The following CACNA1C variants were observed in gnomAD, a reference collection of about 807,000 sequenced individuals.
The protein encoded by CACNA1C is voltage-dependent L-type calcium channel subunit alpha-1C.
Under a neutral mutation model 229.0 loss-of-function variants are expected in CACNA1C, and 30 were observed. The observed-to-expected ratio is 0.13, with a 90% CI of 0.10 to 0.18. The LOEUF is 0.18. CACNA1C is among the 10% of genes least tolerant of loss of function. The pLI is 1.00. For missense variants in CACNA1C, 1,658 were observed against 2,845.0 expected, an observed-to-expected ratio of 0.58 and a Z score of 9.49; for synonymous variants, 1,114 against 1,132.5, an observed-to-expected ratio of 0.98 and a Z score of 0.33.
At chr12:2,336,620 T>C (rs2096704316) in intron 3 of CACNA1C, among the ~76,000 whole-genome samples, 1 of 152,216 alleles carries the variant, frequency 6.6e-6, no homozygotes, top group African/African-American at 2.4e-5. Flanking sequence ...ACCGTTTAAA[T>C]AGGAACCTAT....
intron 3 of CACNA1C, among the ~76,000 whole-genome samples, chr12:2,371,976 A>G (rs563783464): frequency 1.3e-5 from 2 of 152,310 alleles, no homozygotes; most frequent in African/African-American, 2.4e-5. Flanking sequence ...TTAGAAATTC[A>G]TGAAGGAAAT....
At chr12:2,624,095 C>T (rs1658179482) in intron 29 of CACNA1C, among the ~76,000 whole-genome samples, 1 of 152,170 alleles carries the variant, frequency 6.6e-6, no homozygotes, top group South Asian at 2.1e-4. Context: ...ATTCAACCCT[C>T]CCAGGCTCAT....
intron 29 of CACNA1C, among the ~76,000 whole-genome samples, chr12:2,619,200 C>T (rs1238076917): frequency 6.6e-6 from 1 of 152,116 alleles, no homozygotes; most frequent in East Asian, 1.9e-4. Context: ...AGCACTTGTT[C>T]CTTCCATGTC....
Position 2,647,296 on chromosome 12 carries a change from G to C in CACNA1C, c.3913-1179G>C, listed in dbSNP as rs544794178. The stretch of plus-strand genomic sequence containing the variant: ...GATCAGTCGGGGCTGAGCCCTCTGT[G>C]CTGGAGCCCAAAACGTAAGGGCACC... On this transcript the variant is annotated intron_variant, in intron 30 of 46. Transcript: ENST00000399655. The surrounding 1 kb of genome is among the most constrained non-coding windows in gnomAD (Gnocchi z 4.2). 1.0e-3 allele frequency among the ~76,000 whole-genome samples: 159 copies of C among 152,306 alleles called. 1 individual carries two copies. The highest frequency in any genetic ancestry group is 3.8e-3 in the African/African-American group (158 of 41,568).
intron 3 of CACNA1C, among the ~76,000 whole-genome samples, chr12:2,383,932 C>T (rs1330450888): frequency 6.6e-6 from 1 of 152,224 alleles, no homozygotes; most frequent in Non-Finnish European, 1.5e-5. Flanking sequence ...TTCATCCTGG[C>T]TTCCCTTTCT....
chr12:2,622,814 C>G (rs1347942095), intron 29 of CACNA1C, among the ~76,000 whole-genome samples: 1 of 152,182 alleles, frequency 6.6e-6, no homozygotes, highest in African/African-American at 2.4e-5. Flanking sequence ...GTGTTCCGCC[C>G]CTACAATGGT....
At chr12:2,032,245 A>G (rs2048361464) in intron 1 of CACNA1C, among the ~76,000 whole-genome samples, 1 of 151,972 alleles carries the variant, frequency 6.6e-6, no homozygotes, top group Admixed American at 6.6e-5. Context: ...TAGGTGTCAT[A>G]TGAGTGCTTA....
chr12:2,481,170 G>A (rs2099674371), intron 5 of CACNA1C, among the ~76,000 whole-genome samples: 1 of 152,134 alleles, frequency 6.6e-6, no homozygotes, highest in Admixed American at 6.5e-5. Flanking sequence ...CCCAAAAGTA[G>A]GGCTTGGTGA....
intron 9 of CACNA1C, among the ~76,000 whole-genome samples, chr12:2,516,650 A>G (rs2099797444): frequency 6.6e-6 from 1 of 152,270 alleles, no homozygotes; most frequent in Non-Finnish European, 1.5e-5. Flanking sequence ...TTCCAAGGCA[A>G]TTGTCCTAAA....
At chr12:2,378,174 C>G (rs2098129450) in intron 3 of CACNA1C, among the ~76,000 whole-genome samples, 1 of 152,138 alleles carries the variant, frequency 6.6e-6, no homozygotes, top group Non-Finnish European at 1.5e-5. Flanking sequence ...ACAACCACAA[C>G]TGAGTAAATA....
At position 2,268,461 on chromosome 12, in the gene CACNA1C, C is replaced by CT. The variant is rs545284367; in HGVS notation, c.477+148037dup. Among the ~76,000 whole-genome samples the CT allele has an allele frequency of 2.7e-3, 417 of 152,246 alleles. 1 individual carries two copies. Among genetic ancestry groups the CT allele is most frequent in the Non-Finnish European group, 3.8e-3 (261 of 68,004 alleles). Reference sequence around the variant, plus strand: ...CTCCCTGGGCTTTGGAAAATTGTGTCTTTTTTAAGAAAGGGAAGTTTTGAA... The same window carrying CT: ...CTCCCTGGGCTTTGGAAAATTGTGTCTTTTTTTAAGAAAGGGAAGTTTTGAA... On this transcript the variant is annotated intron_variant, in intron 3 of 46. Transcript: ENST00000399655.
chr12:2,697,380 G>A lies in CACNA1C; in HGVS notation c.*6181G>A, dbSNP rs954536156. On this transcript the variant is annotated 3_prime_UTR_variant, in exon 47 of 47. Transcript: ENST00000399655. ...ACGCACATTCATTAAGAAATAGGGC[G>A]ACAGATTCCCCGTTGGTGAAGCACT... The A allele has an allele frequency of 5.3e-5, 8 of 152,174 alleles. No homozygotes were observed. Among genetic ancestry groups the A allele is most frequent in the East Asian group, 3.8e-4 (2 of 5,202 alleles). The allele number at this position is 152,174 out of a possible 1,614,324, so 9.4% of individuals were successfully genotyped here.
intron 13 of CACNA1C, among the ~76,000 whole-genome samples, chr12:2,574,740 T>C (rs2057762734): frequency 6.6e-6 from 1 of 152,142 alleles, no homozygotes; most frequent in South Asian, 2.1e-4. Context: ...TAGCCCCCAC[T>C]CTTCTCAGGC....
chr12:2,196,369 A>G (rs1252259662), intron 3 of CACNA1C, among the ~76,000 whole-genome samples: 1 of 152,238 alleles, frequency 6.6e-6, no homozygotes, highest in African/African-American at 2.4e-5. Context: ...TCAAGTCAGA[A>G]TTTCCCAGCT....
chr12:2,257,607 C>T (rs906213301), intron 3 of CACNA1C, among the ~76,000 whole-genome samples: 1 of 152,226 alleles, frequency 6.6e-6, no homozygotes, highest in African/African-American at 2.4e-5. Context: ...TCCTGCTGTG[C>T]AGCCTGGTTC....
chr12:2,540,118 C>G (rs1041240569), intron 9 of CACNA1C, among the ~76,000 whole-genome samples: 2 of 152,160 alleles, frequency 1.3e-5, no homozygotes, highest in Admixed American at 6.5e-5. Flanking sequence ...CTCCTCGGGT[C>G]CACCCACGGA....
In CACNA1C at chr12:2,053,707, G is replaced by A; in HGVS notation, c.49+96G>A. 7.7e-7 allele frequency: 1 copy of A among 1,295,764 alleles called. No homozygotes were observed. Among genetic ancestry groups the A allele is most frequent in the Non-Finnish European group, 9.9e-7 (1 of 1,012,440 alleles). The allele number at this position is 1,295,764 out of a possible 1,614,324, so 80.3% of individuals were successfully genotyped here. ...CCCCGCGGCCCCGGGGCCGGTCCCT[G>A]CGGAGTGGCCCGGGGCCGCGTCCGC... is the stretch of plus-strand genomic sequence containing the variant. On this transcript the variant is annotated intron_variant, in intron 1 of 46. Coordinates refer to ENST00000399655, the MANE Select transcript of CACNA1C (RefSeq NM_000719.7). The surrounding 1 kb of genome is among the most constrained non-coding windows in gnomAD (Gnocchi z 5.8).
rs955740769 is a variant in CACNA1C, at chr12:2,467,419, G to A, written c.757+9713G>A. On this transcript the variant is annotated intron_variant, in intron 5 of 46. Coordinates refer to ENST00000399655, the MANE Select transcript of CACNA1C (RefSeq NM_000719.7). The surrounding 1 kb of genome is among the most constrained non-coding windows in gnomAD (Gnocchi z 4.6). ...GCACGGTCTGCAAGGGGACTCTGAT[G>A]GCAATGGTGAGGGAACCCTCAGGGC... Among the ~76,000 whole-genome samples the A allele has an allele frequency of 1.3e-5, 2 of 152,146 alleles. No individual in the cohort carries two copies. The highest frequency in any genetic ancestry group is 4.8e-5 in the African/African-American group (2 of 41,432).
intron 3 of CACNA1C, among the ~76,000 whole-genome samples, chr12:2,182,357 C>G (rs940481629): frequency 2.0e-5 from 3 of 152,154 alleles, no homozygotes; most frequent in Non-Finnish European, 4.4e-5. Flanking sequence ...TCTTCTGCTT[C>G]TGCTTCTACG....
Sources: allele counts gnomAD v4.1 joint callset (sites outside exome capture counted in the v4.1 genomes callset), GRCh38; gene constraint gnomAD v4.1.1; non-coding constraint Gnocchi (gnomAD v3.1); transcripts MANE v1.5; gene names NCBI Gene and HGNC (gene_info 2026-07-23, HGNC 2026-07-21).